Variants in ANO4 observed in about 807,000 individuals in gnomAD.
ANO4 encodes anoctamin-4.
In ANO4, 69 loss-of-function variants were observed where a neutral mutation model predicts 141.9. The observed-to-expected ratio is 0.49, with a 90% CI of 0.40 to 0.59. The LOEUF (loss-of-function observed/expected upper bound fraction) is 0.59. ANO4 is among the 20% of genes least tolerant of loss of function. The probability of loss-of-function intolerance (pLI) is 0.00; values close to 1 mark genes in which losing one functional copy is unlikely to be tolerated. For missense variants in ANO4, 894 were observed against 1,162.2 expected, an observed-to-expected ratio of 0.77 and a Z score of 3.36; for synonymous variants, 350 against 394.3, an observed-to-expected ratio of 0.89 and a Z score of 1.33.
chr12:101,116,850 G>T (rs764427294), intron 25 of ANO4, 52 bp downstream of exon 25: 140 of 1,612,318 alleles, frequency 8.7e-5, no homozygotes, highest in Non-Finnish European at 1.1e-4. Context: ...GCTCCACCGT[G>T]GGGAGGTTTT....
intron 5 of ANO4, among the ~76,000 whole-genome samples, chr12:100,942,742 T>A (rs1352620899): frequency 6.6e-6 from 1 of 152,210 alleles, no homozygotes; most frequent in African/African-American, 2.4e-5. Flanking sequence ...AATGATTCCA[T>A]GAAAATCAAA....
At chr12:100,886,355 A>G (rs1170689414) in intron 1 of ANO4, among the ~76,000 whole-genome samples, 1 of 146,264 alleles carries the variant, frequency 6.8e-6, no homozygotes, top group African/African-American at 2.6e-5. Flanking sequence ...TAAAAATTTC[A>G]TACAAAAGTA....
Position 100,767,212 on chromosome 12 carries a change from G to A in ANO4, c.358+27107G>A, listed in dbSNP as rs566824088. Among the ~76,000 whole-genome samples the A allele has an allele frequency of 5.3e-5, 8 of 152,122 alleles. No individual in the cohort carries two copies. In the East Asian group the frequency reaches 1.5e-3, roughly 29 times the overall value. Reference sequence around the variant, plus strand: ...TCCATTTACACTTAAAGTAATTATTGATAGGTAAGGACTTACTACTGCCAT... The same window carrying A: ...TCCATTTACACTTAAAGTAATTATTAATAGGTAAGGACTTACTACTGCCAT... On this transcript the variant is annotated intron_variant, in intron 3 of 29. Transcript: ENST00000644049.
intron 1 of ANO4, among the ~76,000 whole-genome samples, chr12:100,886,547 G>A (rs1006380670): frequency 2.0e-5 from 3 of 152,064 alleles, no homozygotes; most frequent in East Asian, 3.9e-4. Context: ...ACCCAGCAAT[G>A]AGGCTTAGTG....
intron 26 of ANO4, 26 bp downstream of exon 26, chr12:101,120,651 A>C: frequency 6.4e-7 from 1 of 1,573,740 alleles, no homozygotes; most frequent in Non-Finnish European, 8.7e-7. Context: ...CAAATTCTTT[A>C]TTTCCTTTGA....
intron 8 of ANO4, among the ~76,000 whole-genome samples, chr12:100,995,942 G>C (rs1278693445): frequency 1.3e-5 from 2 of 152,202 alleles, no homozygotes. Context: ...CTCTGATCTT[G>C]ATGCAGCATC....
At chr12:100,867,941 C>G (rs909821376) in intron 1 of ANO4, among the ~76,000 whole-genome samples, 20 of 152,120 alleles carry the variant, frequency 1.3e-4, no homozygotes, top group African/African-American at 4.6e-4. Flanking sequence ...ATAAATATAT[C>G]TGCTTCTACT....
chr12:100,754,438 G>A lies in ANO4; in HGVS notation c.358+14333G>A, dbSNP rs11110507. 0.012 allele frequency among the ~76,000 whole-genome samples: 1,765 copies of A among 146,524 alleles called. 125 individuals are homozygous for A. In the East Asian group the frequency reaches 0.22, roughly 18 times the overall value. ...CTATTCCAACCCCCACCCCCACCACGTGTTGTCATTGTCTAAAACACTGAT... is the reference window on the plus strand; with the variant it reads ...CTATTCCAACCCCCACCCCCACCACATGTTGTCATTGTCTAAAACACTGAT... On this transcript the variant is annotated intron_variant, in intron 3 of 29. Transcript: ENST00000644049.
intron 1 of ANO4, among the ~76,000 whole-genome samples, chr12:100,802,699 C>A (rs1336393726): frequency 6.6e-6 from 1 of 152,074 alleles, no homozygotes; most frequent in African/African-American, 2.4e-5. Flanking sequence ...CTTCATGGAG[C>A]TAACATTCTG....
At chr12:100,896,256 A>G (rs78358315) in intron 1 of ANO4, among the ~76,000 whole-genome samples, 2,323 of 152,288 alleles carry the variant, frequency 0.015, 25 homozygotes, top group Non-Finnish European at 0.024. Flanking sequence ...TCCATTATCC[A>G]GGTGATCCCT....
intron 5 of ANO4, among the ~76,000 whole-genome samples, chr12:100,951,120 A>C (rs140923876): frequency 6.6e-6 from 1 of 152,280 alleles, no homozygotes; most frequent in African/African-American, 2.4e-5. Flanking sequence ...GTAAATTAAA[A>C]CCACAATGAG....
intron 1 of ANO4, among the ~76,000 whole-genome samples, chr12:100,797,876 TAATG>T (rs895710194): frequency 5.3e-5 from 8 of 152,334 alleles, no homozygotes; most frequent in Admixed American, 4.6e-4. Flanking sequence ...GTACAACAAT[TAATG>T]AAGAGATGAT....
Position 100,956,426 on chromosome 12 carries a change from A to G in ANO4, c.456+13891A>G, listed in dbSNP as rs534257923. Among the ~76,000 whole-genome samples the G allele has an allele frequency of 7.2e-5, 11 of 152,338 alleles. No individual in the cohort carries two copies. The South Asian group carries it at 2.3e-3, about 32-fold the overall frequency. ...AGAGCAGGCAGAAAAATGAAACTAT[A>G]CTACACATGATTTTCCTTGACCTTA... On this transcript the variant is annotated intron_variant, in intron 5 of 27. Transcript: ENST00000392977.
At chr12:100,982,765 C>CATCATTGTATACTAAAGGTTATCT (rs2044532598) in intron 7 of ANO4, among the ~76,000 whole-genome samples, 1 of 152,154 alleles carries the variant, frequency 6.6e-6, no homozygotes, top group Non-Finnish European at 1.5e-5. Context: ...CTCCAAAGTC[C>CATCATTGTATACTAAAGGTTATCT]ATCATTGTAT....
intron 3 of ANO4, among the ~76,000 whole-genome samples, chr12:100,930,509 T>A (rs916530400): frequency 1.3e-5 from 2 of 152,214 alleles, no homozygotes; most frequent in African/African-American, 2.4e-5. Context: ...TGGATTTGTT[T>A]TTGGGTTCTC....
chr12:100,776,598 G>A (rs2033512363), intron 3 of ANO4, among the ~76,000 whole-genome samples: 1 of 152,104 alleles, frequency 6.6e-6, no homozygotes, highest in South Asian at 2.1e-4. Context: ...TAATGTGAAG[G>A]GGCTGCTTGA....
intron 4 of ANO4, among the ~76,000 whole-genome samples, chr12:100,939,755 G>C (rs866605671): frequency 2.8e-4 from 42 of 152,126 alleles, no homozygotes; most frequent in African/African-American, 9.2e-4. Context: ...AACTTTACAG[G>C]GATGGGCTTC....
intron 8 of ANO4, among the ~76,000 whole-genome samples, chr12:101,019,611 C>A (rs2046443675): frequency 6.6e-6 from 1 of 152,134 alleles, no homozygotes; most frequent in South Asian, 2.1e-4. Context: ...ATCCACCACC[C>A]AAGCCAGTTT....
chr12:100,844,256 A>G (rs759731956), intron 1 of ANO4, among the ~76,000 whole-genome samples: 1 of 152,118 alleles, frequency 6.6e-6, no homozygotes, highest in African/African-American at 2.4e-5. Context: ...ACTTAGAGAC[A>G]AGAATGATGA....
Sources: allele counts gnomAD v4.1 joint callset (sites outside exome capture counted in the v4.1 genomes callset), GRCh38; gene constraint gnomAD v4.1.1; transcripts MANE v1.5; gene names NCBI Gene and HGNC (gene_info 2026-07-23, HGNC 2026-07-21).